Variants in BRAF observed in about 807,000 individuals in gnomAD.
The protein encoded by BRAF is B-Raf proto-oncogene, serine/threonine kinase.
BRAF carries 16 observed loss-of-function variants against 104.6 expected under a neutral mutation model. The observed-to-expected ratio is 0.15, with a 90% confidence interval of 0.10 to 0.23. The LOEUF (loss-of-function observed/expected upper bound fraction) is 0.23. Among genes scored for constraint, BRAF ranks in the 10% least tolerant of loss-of-function variants. BRAF has a pLI of 1.00. For synonymous variants in BRAF, 310 were observed against 341.6 expected, an observed-to-expected ratio of 0.91 and a Z score of 1.02; for missense variants, 541 against 937.3, an observed-to-expected ratio of 0.58 and a Z score of 5.52.
At chr7:140,829,503 T>C (rs998233266) in intron 3 of BRAF, among the ~76,000 whole-genome samples, 1 of 152,144 alleles carries the variant, frequency 6.6e-6, no homozygotes, top group Non-Finnish European at 1.5e-5. Flanking sequence ...TTTTTCATAT[T>C]ACATTTTCTG....
chr7:140,848,964 G>A (rs1808854918), intron 2 of BRAF, among the ~76,000 whole-genome samples: 1 of 152,196 alleles, frequency 6.6e-6, no homozygotes, highest in Admixed American at 6.5e-5. Context: ...CCTTCAAAAA[G>A]TAATTAAATT....
At chr7:140,713,936 C>T in the BRAF span, among the ~76,000 whole-genome samples, 4 of 152,220 alleles carry the variant, frequency 2.6e-5, no homozygotes, top group Non-Finnish European at 4.4e-5. Flanking sequence ...ATTGGTGAAC[C>T]GCAAATGCTG....
chr7:140,762,603 GTTTTT>G (rs774057622), intron 14 of BRAF, among the ~76,000 whole-genome samples: 1 of 96,216 alleles, frequency 1.0e-5, no homozygotes, highest in African/African-American at 3.5e-5. Flanking sequence ...TCCAGGAGCT[GTTTTT>G]TTTTTTTTTT....
At chr7:140,858,677 C>A (rs1346508397) in intron 1 of BRAF, among the ~76,000 whole-genome samples, 1 of 152,100 alleles carries the variant, frequency 6.6e-6, no homozygotes, top group African/African-American at 2.4e-5. Context: ...GAACACATAT[C>A]AGATGTAAGA....
chr7:140,807,935 C>CA (rs762300585), intron 5 of BRAF, 25 bp downstream of exon 5: 452 of 1,516,532 alleles, frequency 3.0e-4, no homozygotes, highest in South Asian at 4.1e-4. Context: ...TTTGACATTT[C>CA]AAAAAAAAAT....
intron 19 of BRAF, chr7:140,734,353 CTAGA>C: frequency 1.5e-6 from 2 of 1,347,730 alleles, no homozygotes; most frequent in Non-Finnish European, 1.9e-6. Flanking sequence ...AGTAAAGCCT[CTAGA>C]AGAGGCTCTG....
chr7:140,924,710 A>C lies in BRAF; in HGVS notation c.-7T>G, dbSNP rs769116177. On this transcript the variant is annotated 5_prime_UTR_variant, in exon 1 of 20. Coordinates refer to ENST00000644969, the MANE Select transcript of BRAF (RefSeq NM_001374258.1). This position sits in a 1 kb window ranked among gnomAD's most constrained non-coding sequence, Gnocchi z 4.2. ...CACCGCTCAGCGCCGCCATCTTATAACCGAGAGCCGGGGCCCGAGCGGCCG... is the reference window on the plus strand; with the variant it reads ...CACCGCTCAGCGCCGCCATCTTATACCCGAGAGCCGGGGCCCGAGCGGCCG... 25 of 937,172 alleles carry C rather than the reference A, an allele frequency of 2.7e-5. No individual in the cohort carries two copies. The highest frequency in any genetic ancestry group is 3.2e-4 in the Middle Eastern group (1 of 3,120). The allele number at this position is 937,172 out of a possible 1,614,324, so 58.1% of individuals were successfully genotyped here.
intron 1 of BRAF, among the ~76,000 whole-genome samples, chr7:140,918,041 G>A (rs1282343070): frequency 2.0e-5 from 3 of 152,166 alleles, no homozygotes; most frequent in Admixed American, 2.0e-4. Flanking sequence ...TCTGCCTTAA[G>A]ACACAAGTTG....
chr7:140,851,891 T>C (rs997155951), intron 1 of BRAF, among the ~76,000 whole-genome samples: 1 of 152,234 alleles, frequency 6.6e-6, no homozygotes, highest in South Asian at 2.1e-4. Flanking sequence ...TTTTATTCTA[T>C]TGAGTTGTTT....
chr7:140,723,885 T>C lies in BRAF; in HGVS notation c.*2609A>G. The C allele has an allele frequency of 9.6e-7, 1 of 1,046,646 alleles. No homozygotes were observed. Among genetic ancestry groups the C allele is most frequent in the Non-Finnish European group, 1.2e-6 (1 of 867,608 alleles). 64.8% of individuals were successfully genotyped at this position (1,046,646 alleles called of 1,614,324 possible). On this transcript the variant is annotated 3_prime_UTR_variant, in exon 20 of 20. Coordinates refer to ENST00000644969, the MANE Select transcript of BRAF (RefSeq NM_001374258.1). The stretch of plus-strand genomic sequence containing the variant: ...TTTAGGAGCTCAGTAAGTCTAACTG[T>C]TGTCTAAGCATCAAAAAATAAAGCA...
At chr7:140,871,344 G>C (rs1811574362) in intron 1 of BRAF, among the ~76,000 whole-genome samples, 1 of 151,254 alleles carries the variant, frequency 6.6e-6, no homozygotes, top group Non-Finnish European at 1.5e-5. Context: ...AGGGATTTCT[G>C]TCTGGACACT....
At chr7:140,765,730 C>G (rs1400692020) in intron 14 of BRAF, among the ~76,000 whole-genome samples, 1 of 152,070 alleles carries the variant, frequency 6.6e-6, no homozygotes, top group Non-Finnish European at 1.5e-5. Context: ...CAGAGAAATG[C>G]AAATCAAAAC....
chr7:140,916,527 T>C (rs192992855), intron 1 of BRAF, among the ~76,000 whole-genome samples: 3 of 152,248 alleles, frequency 2.0e-5, no homozygotes, highest in African/African-American at 4.8e-5. Context: ...GGTGACTTTT[T>C]TTGGTGAATA....
Position 140,764,475 on chromosome 7 carries a change from G to A in BRAF, c.1815-10242C>T, listed in dbSNP as rs1729405984. The stretch of plus-strand genomic sequence containing the variant: ...CAATCAGGCAGGAGAAGGAAATAAA[G>A]GGTATTCAATTAGGAAAAGAGGAAG... On this transcript the variant is annotated intron_variant, in intron 14 of 19. Transcript: ENST00000644969. Among the ~76,000 whole-genome samples, 3 of 150,474 alleles carry A rather than the reference G, an allele frequency of 2.0e-5. No homozygotes were observed. In the South Asian group the frequency reaches 6.4e-4, roughly 32 times the overall value.
chr7:140,774,985 C>T (rs1800193892), intron 14 of BRAF, among the ~76,000 whole-genome samples: 1 of 152,200 alleles, frequency 6.6e-6, no homozygotes, highest in African/African-American at 2.4e-5. Flanking sequence ...AAAGCCCCTG[C>T]TCTCATACAG....
chr7:140,761,353 C>T lies in BRAF; in HGVS notation c.1815-7120G>A, dbSNP rs191563542. ...AAGCAAATGCTGAGAGATTTTGCCA[C>T]CCCCAGGCCTGCCCTAAAAGAACTC... On this transcript the variant is annotated intron_variant, in intron 14 of 19. Transcript: ENST00000644969. Among the ~76,000 whole-genome samples the T allele has an allele frequency of 3.3e-3, 495 of 152,026 alleles. 4 individuals carry two copies. The highest frequency in any genetic ancestry group is 0.011 in the African/African-American group (473 of 41,468).
intron 1 of BRAF, among the ~76,000 whole-genome samples, chr7:140,864,462 T>A (rs538620164): frequency 6.6e-6 from 1 of 152,196 alleles, no homozygotes; most frequent in East Asian, 1.9e-4. Context: ...TTATGCAAGT[T>A]TAGAACCCTG....
chr7:140,791,553 G>A (rs1801973972), intron 8 of BRAF, among the ~76,000 whole-genome samples: 2 of 152,074 alleles, frequency 1.3e-5, no homozygotes, highest in African/African-American at 4.8e-5. Flanking sequence ...TGCTCTTTGA[G>A]CAATTTACAT....
intron 6 of BRAF, 147 bp from the exon 7 acceptor site, chr7:140,800,628 G>C (rs1802997945): frequency 3.0e-6 from 4 of 1,337,738 alleles, no homozygotes; most frequent in Non-Finnish European, 4.1e-6. Flanking sequence ...TTGTCTAAAG[G>C]CTTATTTTAA....
Sources: allele counts gnomAD v4.1 joint callset (sites outside exome capture counted in the v4.1 genomes callset), GRCh38; gene constraint gnomAD v4.1.1; non-coding constraint Gnocchi (gnomAD v3.1); transcripts MANE v1.5; gene names NCBI Gene and HGNC (gene_info 2026-07-23, HGNC 2026-07-21).